Variants in PLEKHB1 observed in about 807,000 individuals in gnomAD.
PLEKHB1 encodes the protein pleckstrin homology domain containing B1.
Under a neutral mutation model 36.2 loss-of-function variants are expected in PLEKHB1, and 29 were observed. The observed-to-expected ratio is 0.80, with a 90% CI of 0.60 to 1.09. The LOEUF is 1.09. Among genes scored for constraint, PLEKHB1 ranks in the 50% least tolerant of loss-of-function variants. PLEKHB1 has a pLI of 0.00. For synonymous variants in PLEKHB1, 138 were observed against 140.0 expected (o/e 0.99, Z 0.10); for missense variants, 330 against 348.2 (o/e 0.95, Z 0.42).
At chr11:73,658,022 A>G (rs980363903) in intron 6 of PLEKHB1, among the ~76,000 whole-genome samples, 1 of 152,222 alleles carries the variant, frequency 6.6e-6, no homozygotes, top group Non-Finnish European at 1.5e-5. Context: ...GGTACCTGCC[A>G]TGTTCCAGTC....
intron 1 of PLEKHB1, 106 bp from the exon 2 acceptor site, chr11:73,648,906 C>T (rs1944824705): frequency 4.0e-6 from 6 of 1,482,678 alleles, no homozygotes; most frequent in Non-Finnish European, 5.4e-6. Flanking sequence ...GTTTACTAAC[C>T]CTCCCTCAAA....
chr11:73,656,458 C>G (rs1258965692), intron 6 of PLEKHB1, among the ~76,000 whole-genome samples: 1 of 152,190 alleles, frequency 6.6e-6, no homozygotes, highest in African/African-American at 2.4e-5. Flanking sequence ...GCTGACCTTT[C>G]TTACACAGTG....
intron 7 of PLEKHB1, 28 bp downstream of exon 7, chr11:73,660,880 G>A: frequency 6.4e-7 from 1 of 1,555,846 alleles, no homozygotes; most frequent in South Asian, 1.2e-5. Context: ...CCCGGGGCTT[G>A]CCTCGATCCA....
chr11:73,649,843 G>A (rs652229), intron 2 of PLEKHB1, among the ~76,000 whole-genome samples: 7,401 of 152,236 alleles, frequency 0.049, 587 homozygotes, highest in African/African-American at 0.17. Context: ...TGCGTGGGGA[G>A]CCATAGCCCC....
intron 6 of PLEKHB1, among the ~76,000 whole-genome samples, chr11:73,656,511 G>A (rs964105439): frequency 6.6e-6 from 1 of 152,164 alleles, no homozygotes; most frequent in African/African-American, 2.4e-5. Context: ...GAAGGAAGGA[G>A]GGAGTGAAAA....
Position 73,661,825 on chromosome 11 carries a change from A to C in PLEKHB1, c.*223A>C. The stretch of plus-strand genomic sequence containing the variant: ...ATCGCTTGAAGTCTTCACATCTACC[A>C]CTAGACACCCCCAAAATCTGTTATA... On this transcript the variant is annotated 3_prime_UTR_variant, in exon 8 of 8. Transcript: ENST00000354190. This position sits in a 1 kb window ranked among gnomAD's most constrained non-coding sequence, Gnocchi z 4.6. 1.9e-6 allele frequency: 1 copy of C among 537,726 alleles called. No individual in the cohort carries two copies. Among genetic ancestry groups the C allele is most frequent in the Non-Finnish European group, 3.2e-6 (1 of 315,732 alleles). The allele number at this position is 537,726 out of a possible 1,614,324, so 33.3% of individuals were successfully genotyped here. A position where few individuals can be genotyped will look rare whatever the true frequency, so the allele number is the denominator to read the frequency against.
chr11:73,656,206 G>C (rs909953229), intron 6 of PLEKHB1, among the ~76,000 whole-genome samples: 1 of 152,192 alleles, frequency 6.6e-6, no homozygotes, highest in Non-Finnish European at 1.5e-5. Flanking sequence ...CTACTCAGTG[G>C]GGACTTCCTA....
At chr11:73,647,908 G>T (rs1056714439) in intron 1 of PLEKHB1, 1 of 985,044 alleles carries the variant, frequency 1.0e-6, no homozygotes, top group Non-Finnish European at 1.2e-6. Context: ...GTGAGCAGGT[G>T]GGGGAGGGGC....
At chr11:73,658,152 G>T (rs1047433750) in intron 6 of PLEKHB1, among the ~76,000 whole-genome samples, 3 of 152,242 alleles carry the variant, frequency 2.0e-5, no homozygotes, top group African/African-American at 7.2e-5. Flanking sequence ...TCCAAGGGCT[G>T]TGAGTGTCCA....
At position 73,661,848 on chromosome 11, in the gene PLEKHB1, A is replaced by G. The variant is rs751129456; in HGVS notation, c.*246A>G. The G allele has an allele frequency of 9.0e-5, 44 of 488,650 alleles. No homozygotes were observed. The highest frequency in any genetic ancestry group is 1.4e-4 in the Non-Finnish European group (40 of 279,110). 30.3% of individuals were successfully genotyped at this position (488,650 alleles called of 1,614,324 possible). Reference sequence around the variant, plus strand: ...CCACTAGACACCCCCAAAATCTGTTATAGACATTTATGGATACATTTCCTC... The same window carrying G: ...CCACTAGACACCCCCAAAATCTGTTGTAGACATTTATGGATACATTTCCTC... On this transcript the variant is annotated 3_prime_UTR_variant, in exon 8 of 8. Transcript: ENST00000354190. This position sits in a 1 kb window ranked among gnomAD's most constrained non-coding sequence, Gnocchi z 4.6.
intron 5 of PLEKHB1, chr11:73,653,454 G>A (rs1381469746): frequency 6.5e-6 from 3 of 463,636 alleles, no homozygotes; most frequent in East Asian, 1.4e-4. Context: ...AAGTGCCAGG[G>A]ATCAGAGGTG....
At chr11:73,660,499 G>T (rs1202879640) in intron 6 of PLEKHB1, 2 of 516,652 alleles carry the variant, frequency 3.9e-6, no homozygotes, top group Non-Finnish European at 6.9e-6. Flanking sequence ...AGAATTTTTT[G>T]AGCTAGGTGG....
intron 1 of PLEKHB1, among the ~76,000 whole-genome samples, chr11:73,647,204 C>G (rs1944785379): frequency 6.6e-6 from 1 of 152,168 alleles, no homozygotes; most frequent in Admixed American, 6.6e-5. Flanking sequence ...CCTTCCTGAA[C>G]CCCTTGAGAA....
chr11:73,661,571 G>A lies in PLEKHB1; in HGVS notation c.701G>A (p.Gly234Asp). The A allele has an allele frequency of 6.2e-7, 1 of 1,604,566 alleles. No individual in the cohort carries two copies. Among genetic ancestry groups the A allele is most frequent in the African/African-American group, 1.3e-5 (1 of 74,776 alleles). Reference protein sequence around the residue: ...LAGAATGAALGSLMWSPCWF With the variant: ...LAGAATGAALDSLMWSPCWF ...GGAGCCGCCACTGGGGCGGCGCTGG[G>A]CTCGCTCATGTGGTCGCCCTGCTGG... Residue 234 changes from glycine to aspartate, a missense_variant, in exon 8 of 8, where the codon GGC becomes GAC. By Grantham distance (94) the Gly-to-Asp change is moderately conservative (BLOSUM62 -1). Transcript: ENST00000354190. This position sits in a 1 kb window ranked among gnomAD's most constrained non-coding sequence, Gnocchi z 4.6.
At chr11:73,658,643 A>C (rs1376662988) in intron 6 of PLEKHB1, among the ~76,000 whole-genome samples, 1 of 151,824 alleles carries the variant, frequency 6.6e-6, no homozygotes, top group Non-Finnish European at 1.5e-5. Flanking sequence ...TTGAGACAGG[A>C]TCTCCCTCTG....
intron 1 of PLEKHB1, 25 bp from the exon 2 acceptor site, chr11:73,648,987 G>A (rs1303871533): frequency 1.3e-6 from 2 of 1,573,854 alleles, no homozygotes; most frequent in Non-Finnish European, 1.7e-6. Context: ...GCTGAGGCCT[G>A]TGTCTCCCGT....
At chr11:73,652,111 G>A (rs1944909885) in intron 4 of PLEKHB1, 2 of 564,940 alleles carry the variant, frequency 3.5e-6, no homozygotes, top group Admixed American at 3.2e-5. Context: ...ACTCAGGATT[G>A]CTGAGGGGGA....
intron 6 of PLEKHB1, chr11:73,660,182 T>C (rs900116905): frequency 1.3e-5 from 2 of 155,308 alleles, no homozygotes; most frequent in African/African-American, 4.8e-5. Context: ...CCATATACTC[T>C]AGGTGTGTGC....
intron 3 of PLEKHB1, 135 bp from the exon 4 acceptor site, chr11:73,651,653 A>G: frequency 1.4e-6 from 1 of 695,986 alleles, no homozygotes; most frequent in South Asian, 1.6e-5. Flanking sequence ...CTCAGAGAGT[A>G]TATGGGATCA....
Sources: allele counts gnomAD v4.1 joint callset (sites outside exome capture counted in the v4.1 genomes callset), GRCh38; gene constraint gnomAD v4.1.1; non-coding constraint Gnocchi (gnomAD v3.1); transcripts MANE v1.5; gene names NCBI Gene and HGNC (gene_info 2026-07-23, HGNC 2026-07-21).